The following FBN2 variants were observed in gnomAD, a reference collection of about 807,000 sequenced individuals.
FBN2 encodes fibrillin-2.
In FBN2, 105 loss-of-function variants were observed where a neutral mutation model predicts 355.6. That is an observed-to-expected ratio of 0.30 (90% confidence interval 0.25 to 0.35). The LOEUF (loss-of-function observed/expected upper bound fraction) is 0.35, where lower values mean the gene tolerates loss of function less well. FBN2 is among the 10% of genes least tolerant of loss of function. The pLI, the probability that FBN2 is intolerant of heterozygous loss-of-function variation, is 1.00. For synonymous variants in FBN2, 1,350 were observed against 1,301.2 expected (o/e 1.04, Z -0.81); for missense variants, 3,280 against 3,758.7 (o/e 0.87, Z 3.33).
chr5:128,502,147 T>C (rs977647893), intron 5 of FBN2, among the ~76,000 whole-genome samples: 8 of 149,366 alleles, frequency 5.4e-5, no homozygotes, highest in African/African-American at 9.9e-5. Flanking sequence ...CAGAAAACAA[T>C]TGGATCCTAT....
At chr5:128,533,775 T>C (rs1310167287) in intron 2 of FBN2, among the ~76,000 whole-genome samples, 1 of 152,092 alleles carries the variant, frequency 6.6e-6, no homozygotes, top group Non-Finnish European at 1.5e-5. Context: ...ACTCTTATTA[T>C]ATTGATCAAA....
intron 2 of FBN2, among the ~76,000 whole-genome samples, chr5:128,531,296 G>A (rs1331547793): frequency 6.6e-6 from 1 of 152,116 alleles, no homozygotes; most frequent in African/African-American, 2.4e-5. Context: ...TATTCTAAGT[G>A]ATGTAATTCA....
intron 8 of FBN2, among the ~76,000 whole-genome samples, chr5:128,399,766 C>G (rs1752747719): frequency 6.6e-6 from 1 of 151,806 alleles, no homozygotes; most frequent in Non-Finnish European, 1.5e-5. Context: ...AAATATGCAT[C>G]TTAAAACAGC....
chr5:128,481,456 G>C (rs1408440148), intron 5 of FBN2, among the ~76,000 whole-genome samples: 18 of 152,170 alleles, frequency 1.2e-4, no homozygotes, highest in Admixed American at 1.1e-3. Flanking sequence ...CAGGTAGGAA[G>C]GGATTATGGC....
At chr5:128,296,611 T>C (rs1488151514) in intron 48 of FBN2, among the ~76,000 whole-genome samples, 6 of 152,152 alleles carry the variant, frequency 3.9e-5, no homozygotes, top group East Asian at 3.8e-4. Flanking sequence ...CTAGATTTTC[T>C]AGTTTATTTG....
At chr5:128,366,960 C>A (rs1000715277) in intron 16 of FBN2, among the ~76,000 whole-genome samples, 3 of 152,042 alleles carry the variant, frequency 2.0e-5, no homozygotes, top group Non-Finnish European at 4.4e-5. Context: ...GTGGAGAAGC[C>A]GACTTGGCTC....
chr5:128,508,788 A>G (rs1756033878), intron 5 of FBN2, among the ~76,000 whole-genome samples: 2 of 152,026 alleles, frequency 1.3e-5, no homozygotes, highest in Admixed American at 6.6e-5. Flanking sequence ...TGGAAAATGA[A>G]TTCTTCCCTT....
chr5:128,506,001 T>A (rs1272243079), intron 5 of FBN2, among the ~76,000 whole-genome samples: 1 of 152,182 alleles, frequency 6.6e-6, no homozygotes, highest in Non-Finnish European at 1.5e-5. Flanking sequence ...AAGCGTGAAA[T>A]AGCCTAATCA....
intron 5 of FBN2, among the ~76,000 whole-genome samples, chr5:128,510,680 A>C (rs1487572396): frequency 6.6e-6 from 1 of 152,198 alleles, no homozygotes; most frequent in Non-Finnish European, 1.5e-5. Flanking sequence ...TCAGAGTCAT[A>C]ATCTGAAATA....
intron 20 of FBN2, among the ~76,000 whole-genome samples, chr5:128,354,601 G>T (rs1403806525): frequency 6.6e-6 from 1 of 152,176 alleles, no homozygotes; most frequent in Non-Finnish European, 1.5e-5. Context: ...GACTTGGATT[G>T]GGGGTTGGTG....
At chr5:128,530,331 A>C (rs1756669160) in intron 3 of FBN2, among the ~76,000 whole-genome samples, 1 of 152,210 alleles carries the variant, frequency 6.6e-6, no homozygotes, top group Non-Finnish European at 1.5e-5. Context: ...AAAGGCAACA[A>C]ATACAGTCTA....
At chr5:128,271,807 CT>C (rs926087154) in intron 62 of FBN2, among the ~76,000 whole-genome samples, 191 bp downstream of exon 62, 30 of 151,654 alleles carry the variant, frequency 2.0e-4, no homozygotes, top group Admixed American at 7.9e-4. Flanking sequence ...TAAAAACAAA[CT>C]TTTTTTTTAA....
Position 128,332,981 on chromosome 5 carries a change from G to C in FBN2, c.4153C>G (p.Leu1385Val). 6.2e-7 allele frequency: 1 copy of C among 1,613,080 alleles called. No homozygotes were observed. The highest frequency in any genetic ancestry group is 2.2e-5 in the East Asian group (1 of 44,876). Residue 1385 changes from leucine (L) to valine (V), a missense_variant, in exon 32 of 65, where the codon CTG becomes GTG. Physicochemically the swap from Leu to Val is conservative, Grantham distance 32 (BLOSUM62 1). Coordinates refer to ENST00000262464, the MANE Select transcript of FBN2 (RefSeq NM_001999.4). ...AHNCDMHASC[L>V]NIPGSFKCSC... is the part of the protein sequence containing the mutation. ...CACTTGAAGCTTCCTGGGATATTCA[G>C]ACATGAGGCATGCATGTCGCAGTTA...
chr5:128,465,962 A>T (rs1754699682), intron 5 of FBN2, among the ~76,000 whole-genome samples: 1 of 152,206 alleles, frequency 6.6e-6, no homozygotes, highest in Non-Finnish European at 1.5e-5. Flanking sequence ...GAGTTTCAGA[A>T]GGGCTGATAT....
intron 11 of FBN2, among the ~76,000 whole-genome samples, chr5:128,382,222 C>T (rs1443654405): frequency 6.6e-6 from 1 of 152,058 alleles, no homozygotes; most frequent in Admixed American, 6.6e-5. Flanking sequence ...GATGTTTTTC[C>T]TCACTGCCTT....
At chr5:128,422,690 G>C (rs1272727414) in intron 7 of FBN2, among the ~76,000 whole-genome samples, 1 of 152,158 alleles carries the variant, frequency 6.6e-6, no homozygotes, top group African/African-American at 2.4e-5. Context: ...TGAATATGTA[G>C]TAATAGAACT....
At chr5:128,357,623 G>C (rs1751536582) in intron 19 of FBN2, among the ~76,000 whole-genome samples, 6 of 152,136 alleles carry the variant, frequency 3.9e-5, no homozygotes. Flanking sequence ...AGCCTATTGG[G>C]AAAGAGTTCA....
At chr5:128,364,366 A>T (rs994564170) in intron 18 of FBN2, among the ~76,000 whole-genome samples, 2 of 152,186 alleles carry the variant, frequency 1.3e-5, no homozygotes, top group African/African-American at 4.8e-5. Context: ...CAAATAATTG[A>T]GGATGTTAAT....
intron 62 of FBN2, among the ~76,000 whole-genome samples, chr5:128,267,911 T>C (rs1389980685): frequency 6.6e-6 from 1 of 152,162 alleles, no homozygotes; most frequent in Non-Finnish European, 1.5e-5. Flanking sequence ...TAGCGCTAAA[T>C]GCCCATGTCA....
Sources: gnomAD v4.1 joint callset for allele counts (sites outside exome capture counted in the v4.1 genomes callset) on GRCh38, gnomAD v4.1.1 for gene constraint, MANE v1.5 for transcripts, NCBI Gene and HGNC (gene_info 2026-07-23, HGNC 2026-07-21) for gene names.